Variants in THADA observed in about 807,000 individuals in gnomAD.
THADA encodes the protein THADA armadillo repeat containing.
In THADA, 213 loss-of-function variants were observed where a neutral mutation model predicts 219.8. The ratio of observed to expected loss-of-function variants is 0.97; its 90% CI spans 0.87 to 1.09. The LOEUF (loss-of-function observed/expected upper bound fraction) is 1.09. Ranked by LOEUF, THADA falls within the 50% of genes least tolerant of loss-of-function variation. The pLI is 0.00. For synonymous variants in THADA, 1,018 were observed against 828.9 expected, an observed-to-expected ratio of 1.23 and a Z score of -3.92; for missense variants, 2,956 against 2,311.3, an observed-to-expected ratio of 1.28 and a Z score of -5.72.
intron 8 of THADA, 84 bp from the exon 9 acceptor site, chr2:43,578,691 T>G: frequency 1.1e-6 from 1 of 888,294 alleles, no homozygotes; most frequent in Non-Finnish European, 1.7e-6. Flanking sequence ...AGCAGCCAGA[T>G]AGGCCTGGGT....
At chr2:43,346,472 A>G (rs1667641545) in intron 29 of THADA, among the ~76,000 whole-genome samples, 1 of 151,962 alleles carries the variant, frequency 6.6e-6, no homozygotes, top group South Asian at 2.1e-4. Flanking sequence ...TAGCAAGGCA[A>G]CTCTTTCTTC....
chr2:43,574,834 T>C lies in THADA; in HGVS notation c.1231A>G (p.Thr411Ala). 1 of 1,614,008 alleles carries C rather than the reference T, an allele frequency of 6.2e-7. No homozygotes were observed. The highest frequency in any genetic ancestry group is 1.1e-5 in the South Asian group (1 of 91,082). The change falls in exon 11 of 38, where the codon ACC (threonine) becomes GCC (alanine). Residue 411 changes from threonine (T) to alanine (A), a missense_variant. Transcript: ENST00000405975. ...AGAAGGTTTTTGAACATGATTTTGGTTTGGTGTCTCAGAGCATCCAATGGA... is the reference window on the plus strand; with the variant it reads ...AGAAGGTTTTTGAACATGATTTTGGCTTGGTGTCTCAGAGCATCCAATGGA... ...EHPLDALRHQ[T>A]KIMFKNLLQM...
At chr2:43,556,585 C>T (rs757754871) in intron 16 of THADA, 30 bp from the exon 17 acceptor site, 1 of 1,581,966 alleles carries the variant, frequency 6.3e-7, no homozygotes, top group Non-Finnish European at 8.6e-7. Context: ...CAGTAACTGT[C>T]AAATTAAAGA....
At chr2:43,566,528 C>T in intron 15 of THADA, 170 bp downstream of exon 15, 1 of 792,638 alleles carries the variant, frequency 1.3e-6, no homozygotes, top group Non-Finnish European at 2.2e-6. Flanking sequence ...GTTTCTTCCT[C>T]TTCTGTCCTT....
intron 24 of THADA, 39 bp from the exon 25 acceptor site, chr2:43,498,994 C>G: frequency 6.5e-7 from 1 of 1,542,718 alleles, no homozygotes; most frequent in South Asian, 1.2e-5. Flanking sequence ...GGGTTGAAAA[C>G]CATGGCTAAT....
At chr2:43,549,873 T>A (rs1028801690) in intron 19 of THADA, among the ~76,000 whole-genome samples, 1 of 152,076 alleles carries the variant, frequency 6.6e-6, no homozygotes, top group Non-Finnish European at 1.5e-5. Flanking sequence ...AGTTTAAAGA[T>A]AGAAAGGTAA....
At chr2:43,476,764 G>C (rs1685601430) in intron 26 of THADA, among the ~76,000 whole-genome samples, 3 of 152,116 alleles carry the variant, frequency 2.0e-5, no homozygotes, top group Admixed American at 2.0e-4. Context: ...ATGCAAGTTA[G>C]GTACTAATCT....
In THADA at chr2:43,287,076, T is replaced by A. The variant is rs1195569004; in HGVS notation, c.5011-15A>T. On this transcript the variant is annotated splice_polypyrimidine_tract_variant and intron_variant, in intron 34 of 37. Coordinates refer to ENST00000405975, the MANE Select transcript of THADA (RefSeq NM_022065.5). Reference sequence around the variant, plus strand: ...AATTCCCTGTTCTAAAAGCACAAAATGTACCTATCAGTAGTTCAGAAGATG... The same window carrying A: ...AATTCCCTGTTCTAAAAGCACAAAAAGTACCTATCAGTAGTTCAGAAGATG... The A allele has an allele frequency of 3.1e-6, 5 of 1,605,838 alleles. No individual in the cohort carries two copies. The highest frequency in any genetic ancestry group is 4.3e-6 in the Non-Finnish European group (5 of 1,174,972).
chr2:43,473,511 A>G (rs1685160250), intron 26 of THADA, among the ~76,000 whole-genome samples: 1 of 152,204 alleles, frequency 6.6e-6, no homozygotes, highest in Admixed American at 6.5e-5. Context: ...AAGTAGGAGT[A>G]CACTCTAAAA....
chr2:43,382,220 T>C (rs1322558412), intron 29 of THADA, among the ~76,000 whole-genome samples: 1 of 152,216 alleles, frequency 6.6e-6, no homozygotes, highest in Non-Finnish European at 1.5e-5. Flanking sequence ...TTGTGAAATC[T>C]GAATAAAACG....
chr2:43,519,674 G>T (rs1401677339), intron 22 of THADA, among the ~76,000 whole-genome samples: 6 of 152,198 alleles, frequency 3.9e-5, no homozygotes, highest in African/African-American at 1.4e-4. Context: ...GTCAAAGAGA[G>T]CTCAGTCAAA....
At chr2:43,313,798 C>A (rs1257296828) in intron 31 of THADA, among the ~76,000 whole-genome samples, 1 of 152,250 alleles carries the variant, frequency 6.6e-6, no homozygotes, top group Admixed American at 6.5e-5. Flanking sequence ...GAAGAGGGTT[C>A]TCGGACTCCC....
At position 43,300,644 on chromosome 2, in the gene THADA, TA is replaced by T. The variant is rs1676153027; in HGVS notation, c.4439-7432del. On this transcript the variant is annotated intron_variant, in intron 31 of 37. Coordinates refer to ENST00000405975, the MANE Select transcript of THADA (RefSeq NM_022065.5). ...AAAGGGCAAACGTGTCAGGGAGAGT[TA>T]GGAGAGAACAGACACAGAGAGACCT... Among the ~76,000 whole-genome samples the T allele has an allele frequency of 1.3e-5, 2 of 151,954 alleles. 1 individual carries two copies. Among genetic ancestry groups the T allele is most frequent in the Admixed American group, 1.3e-4 (2 of 15,252 alleles).
intron 36 of THADA, among the ~76,000 whole-genome samples, chr2:43,268,385 G>A (rs1450198484): frequency 6.6e-6 from 1 of 152,090 alleles, no homozygotes; most frequent in East Asian, 1.9e-4. Context: ...CTATCTCAAT[G>A]TACACACCCT....
chr2:43,513,530 G>A (rs1690767114), intron 22 of THADA, among the ~76,000 whole-genome samples: 1 of 152,204 alleles, frequency 6.6e-6, no homozygotes, highest in Non-Finnish European at 1.5e-5. Context: ...GCCTGAGGCT[G>A]TAGCAGTAGG....
At chr2:43,248,046 GCAAAA>G (rs1669343010) in intron 36 of THADA, among the ~76,000 whole-genome samples, 1 of 141,994 alleles carries the variant, frequency 7.0e-6, no homozygotes, top group African/African-American at 2.6e-5. Context: ...CTATCTTAAA[GCAAAA>G]CAAAACAAAC....
Position 43,242,950 on chromosome 2 carries a change from C to T in THADA, c.5297-10068G>A, listed in dbSNP as rs1668766014. 2.0e-5 allele frequency among the ~76,000 whole-genome samples: 3 copies of T among 152,294 alleles called. No homozygotes were observed. The South Asian group carries it at 6.2e-4, about 32-fold the overall frequency. On this transcript the variant is annotated intron_variant, in intron 36 of 37. Transcript: ENST00000405975. ...TGCTGATTTCAATAGACTGCCTTAC[C>T]CAGGTGTCCTTGCCACCGGGCTTCT... is the stretch of plus-strand genomic sequence containing the variant.
At chr2:43,589,989 T>C (rs1045988324) in intron 4 of THADA, among the ~76,000 whole-genome samples, 23 of 152,256 alleles carry the variant, frequency 1.5e-4, no homozygotes, top group Middle Eastern at 3.4e-3. Context: ...CTGTAGAGTA[T>C]AATCTCGTTT....
At chr2:43,418,510 T>C (rs1163215062) in intron 28 of THADA, among the ~76,000 whole-genome samples, 3 of 152,106 alleles carry the variant, frequency 2.0e-5, no homozygotes, top group African/African-American at 4.8e-5. Flanking sequence ...ATGTCAGACA[T>C]TGTACTAGGC....
Sources: allele counts gnomAD v4.1 joint callset (sites outside exome capture counted in the v4.1 genomes callset), GRCh38; gene constraint gnomAD v4.1.1; transcripts MANE v1.5; gene names NCBI Gene and HGNC (gene_info 2026-07-23, HGNC 2026-07-21).